DOCK2: variants seen among roughly 807,000 people sequenced by gnomAD.
DOCK2 encodes dedicator of cytokinesis protein 2.
A neutral mutation model predicts 248.9 loss-of-function variants in DOCK2; 87 were observed. The observed-to-expected ratio is 0.35, with a 90% CI of 0.29 to 0.42. DOCK2 has a LOEUF of 0.42. Ranked by LOEUF, DOCK2 falls within the 10% of genes least tolerant of loss-of-function variation. The probability of loss-of-function intolerance (pLI) is 1.00; values close to 1 mark genes in which losing one functional copy is unlikely to be tolerated. For synonymous variants in DOCK2, 805 were observed against 821.6 expected, an observed-to-expected ratio of 0.98 and a Z score of 0.35; for missense variants, 1,747 against 2,300.2, an observed-to-expected ratio of 0.76 and a Z score of 4.92.
intron 27 of DOCK2, among the ~76,000 whole-genome samples, chr5:169,872,877 T>C (rs914274936): frequency 2.0e-5 from 3 of 152,226 alleles, no homozygotes; most frequent in Non-Finnish European, 2.9e-5. Context: ...ATGTTAATCC[T>C]ATCCACATTT....
Position 169,687,136 on chromosome 5 carries a change from G to A in DOCK2, c.762-2116G>A, listed in dbSNP as rs77610175. Among the ~76,000 whole-genome samples the A allele has an allele frequency of 9.2e-5, 14 of 152,070 alleles. No homozygotes were observed. In the East Asian group the frequency reaches 2.7e-3, roughly 29 times the overall value. On this transcript the variant is annotated intron_variant, in intron 8 of 51. Coordinates refer to ENST00000520908, the MANE Select transcript of DOCK2 (RefSeq NM_004946.3). The stretch of plus-strand genomic sequence containing the variant: ...GACGTAGCAAGCTGGGTCACTGAGG[G>A]GCTTGCTACATATGATGGAAGGTAC...
intron 23 of DOCK2, among the ~76,000 whole-genome samples, chr5:169,751,497 T>G (rs896431922): frequency 6.4e-4 from 98 of 152,282 alleles, no homozygotes; most frequent in African/African-American, 2.2e-3. Context: ...GTGGTTGATG[T>G]TCCTGGTTCA....
At chr5:169,840,219 G>A (rs1769864102) in intron 26 of DOCK2, among the ~76,000 whole-genome samples, 1 of 152,110 alleles carries the variant, frequency 6.6e-6, no homozygotes, top group Admixed American at 6.5e-5. Context: ...GCTGGAGGAA[G>A]AGAAAGAGGG....
chr5:169,670,577 A>G lies in DOCK2; in HGVS notation c.204A>G (p.Glu68=), dbSNP rs1758995637. The change falls in exon 4 of 52, where the codon GAA becomes GAG. Residue 68 remains glutamate, a synonymous_variant. Transcript: ENST00000520908. Reference sequence around the variant, plus strand: ...CTAAGTCATTTATCCACATCAAGGAAGTGACAGTTGAGAAAAGAAGGTATT... The same window carrying G: ...CTAAGTCATTTATCCACATCAAGGAGGTGACAGTTGAGAAAAGAAGGTATT... ...IFPKSFIHIK[E]VTVEKRRNTE... is the part of the protein sequence containing the mutation. The G allele has an allele frequency of 6.2e-7, 1 of 1,613,972 alleles. No individual in the cohort carries two copies. The highest frequency in any genetic ancestry group is 1.3e-5 in the African/African-American group (1 of 75,038).
At chr5:169,917,048 A>G (rs1160187118) in intron 27 of DOCK2, among the ~76,000 whole-genome samples, 1 of 152,220 alleles carries the variant, frequency 6.6e-6, no homozygotes, top group Non-Finnish European at 1.5e-5. Context: ...GGGCACCTAT[A>G]TGCCTCTCTT....
intron 8 of DOCK2, among the ~76,000 whole-genome samples, chr5:169,685,606 G>C (rs1217880147): frequency 6.6e-6 from 1 of 152,220 alleles, no homozygotes; most frequent in Non-Finnish European, 1.5e-5. Context: ...TGGATAAAAT[G>C]ATGTCTTCCT....
At chr5:169,913,155 A>G (rs1264169481) in intron 27 of DOCK2, among the ~76,000 whole-genome samples, 1 of 152,192 alleles carries the variant, frequency 6.6e-6, no homozygotes, top group Non-Finnish European at 1.5e-5. Flanking sequence ...AAGGACAACT[A>G]TACTTTCACA....
At chr5:170,053,370 A>C (rs1756989827) in intron 41 of DOCK2, among the ~76,000 whole-genome samples, 1 of 152,274 alleles carries the variant, frequency 6.6e-6, no homozygotes, top group Non-Finnish European at 1.5e-5. Context: ...CCGCTGTTGT[A>C]GTGGGAGAGC....
intron 27 of DOCK2, among the ~76,000 whole-genome samples, chr5:169,950,907 G>C (rs896161209): frequency 3.9e-5 from 6 of 152,164 alleles, no homozygotes; most frequent in Non-Finnish European, 8.8e-5. Context: ...GTTTTGACTG[G>C]TCTTCATGAT....
intron 44 of DOCK2, among the ~76,000 whole-genome samples, chr5:170,058,397 A>G (rs1196920244): frequency 6.6e-6 from 1 of 152,248 alleles, no homozygotes; most frequent in African/African-American, 2.4e-5. Context: ...ACGGACTAAA[A>G]AGTCAAAGTA....
At chr5:169,715,595 CTTTTTTT>C (rs1306325431) in intron 19 of DOCK2, among the ~76,000 whole-genome samples, 1 of 142,176 alleles carries the variant, frequency 7.0e-6, no homozygotes, top group Non-Finnish European at 1.5e-5. Context: ...ATTCTTTTTT[CTTTTTTT>C]TTTTTTAAAA....
intron 1 of DOCK2, among the ~76,000 whole-genome samples, chr5:169,642,007 A>G (rs1473347630): frequency 2.6e-5 from 4 of 152,166 alleles, no homozygotes; most frequent in African/African-American, 9.7e-5. Context: ...ATTCTCTGTG[A>G]CTATGAGGTG....
intron 27 of DOCK2, among the ~76,000 whole-genome samples, chr5:169,974,942 G>A (rs1777663762): frequency 6.6e-6 from 1 of 152,028 alleles, no homozygotes; most frequent in Non-Finnish European, 1.5e-5. Flanking sequence ...CCCTCTCCTG[G>A]CAAGCAGGCT....
chr5:169,852,786 A>G (rs1180639666), intron 27 of DOCK2, among the ~76,000 whole-genome samples: 1 of 152,186 alleles, frequency 6.6e-6, no homozygotes, highest in African/African-American at 2.4e-5. Flanking sequence ...TCTTTCCTGC[A>G]TTTGTGAAGT....
intron 9 of DOCK2, among the ~76,000 whole-genome samples, chr5:169,689,815 G>A (rs78349861): frequency 5.9e-5 from 9 of 152,174 alleles, no homozygotes; most frequent in Admixed American, 5.9e-4. Context: ...AGTCATAGAT[G>A]ACTAACGATC....
chr5:169,840,891 C>G (rs1769921255), intron 27 of DOCK2, 39 bp downstream of exon 27: 2 of 1,592,926 alleles, frequency 1.3e-6, no homozygotes, highest in South Asian at 2.2e-5. Context: ...GTTGCAAGCT[C>G]TTCAGCATCT....
At chr5:170,047,051 G>A (rs530932355) in intron 39 of DOCK2, among the ~76,000 whole-genome samples, 3 of 152,308 alleles carry the variant, frequency 2.0e-5, no homozygotes, top group African/African-American at 7.2e-5. Flanking sequence ...TCTTAGAATA[G>A]ATGAAATGTC....
intron 27 of DOCK2, chr5:169,864,351 T>C: frequency 1.9e-6 from 3 of 1,551,624 alleles, no homozygotes; most frequent in Non-Finnish European, 2.6e-6. Flanking sequence ...CTGGGGGTTC[T>C]GCTGGGGACT....
chr5:169,886,693 A>G (rs187440204), intron 27 of DOCK2, among the ~76,000 whole-genome samples: 5 of 152,364 alleles, frequency 3.3e-5, no homozygotes, highest in African/African-American at 9.6e-5. Context: ...AGATGGTCGC[A>G]TGCTTAAAAA....
Sources: gnomAD v4.1 joint callset for allele counts (sites outside exome capture counted in the v4.1 genomes callset) on GRCh38, gnomAD v4.1.1 for gene constraint, MANE v1.5 for transcripts, NCBI Gene and HGNC (gene_info 2026-07-23, HGNC 2026-07-21) for gene names.